The following COL22A1 variants were observed in gnomAD, a reference collection of about 807,000 sequenced individuals.
COL22A1 encodes the protein collagen alpha-1(XXII) chain.
In COL22A1, 221 loss-of-function variants were observed where a neutral mutation model predicts 248.9. The observed-to-expected ratio is 0.89, with a 90% CI of 0.80 to 0.99. The LOEUF (loss-of-function observed/expected upper bound fraction) is 0.99. Among genes scored for constraint, COL22A1 ranks in the 50% least tolerant of loss-of-function variants. COL22A1 has a pLI of 0.00. For synonymous variants in COL22A1, 891 were observed against 793.4 expected (o/e 1.12, Z -2.07); for missense variants, 2,240 against 2,179.0 (o/e 1.03, Z -0.56).
intron 24 of COL22A1, among the ~76,000 whole-genome samples, chr8:138,725,004 CTT>C (rs1830191628): frequency 6.6e-6 from 1 of 152,208 alleles, no homozygotes; most frequent in South Asian, 2.1e-4. Context: ...TTTCAGGACA[CTT>C]TTTCAGCAGC....
chr8:138,616,864 T>C (rs369782145), intron 54 of COL22A1, 50 bp downstream of exon 54: 1 of 1,605,136 alleles, frequency 6.2e-7, no homozygotes, highest in Non-Finnish European at 8.5e-7. Context: ...GTCTGGGAAG[T>C]GTAAGCTCTG....
intron 64 of COL22A1, among the ~76,000 whole-genome samples, chr8:138,590,474 CT>C (rs1244998366): frequency 6.6e-6 from 1 of 151,982 alleles, no homozygotes; most frequent in Admixed American, 6.6e-5. Flanking sequence ...TTGAAATTGC[CT>C]TCTTTTAAAA....
chr8:138,841,733 G>A (rs913823742), intron 4 of COL22A1, among the ~76,000 whole-genome samples: 8 of 152,148 alleles, frequency 5.3e-5, no homozygotes, highest in African/African-American at 1.9e-4. Context: ...GATTAGAGAT[G>A]CTACAAAACT....
chr8:138,633,104 C>T (rs1001314436), intron 49 of COL22A1, among the ~76,000 whole-genome samples: 1 of 152,190 alleles, frequency 6.6e-6, no homozygotes. Flanking sequence ...AAACAAGCAA[C>T]AACAAAGAGC....
chr8:138,865,563 G>A (rs1822804373), intron 3 of COL22A1, among the ~76,000 whole-genome samples: 1 of 151,654 alleles, frequency 6.6e-6, no homozygotes, highest in Admixed American at 6.6e-5. Context: ...GAGTGTATGT[G>A]TGTGTATGTA....
At chr8:138,598,500 T>C (rs1817728619) in intron 61 of COL22A1, among the ~76,000 whole-genome samples, 1 of 152,230 alleles carries the variant, frequency 6.6e-6, no homozygotes, top group Non-Finnish European at 1.5e-5. Flanking sequence ...AGACACGTTA[T>C]TTCACTTGAT....
intron 22 of COL22A1, among the ~76,000 whole-genome samples, chr8:138,743,808 C>T (rs116532710): frequency 0.021 from 3,121 of 152,118 alleles, 117 homozygotes; most frequent in African/African-American, 0.069. Flanking sequence ...AGATGCTGAG[C>T]GGAACTGGTA....
chr8:138,778,170 A>G, intron 15 of COL22A1, 183 bp downstream of exon 15: 1 of 704,394 alleles, frequency 1.4e-6, no homozygotes, highest in Non-Finnish European at 2.6e-6. Flanking sequence ...TCTCTGGGTG[A>G]TTCTTATGGA....
intron 22 of COL22A1, among the ~76,000 whole-genome samples, chr8:138,746,906 G>A (rs1342277907): frequency 1.3e-5 from 2 of 152,174 alleles, no homozygotes; most frequent in Non-Finnish European, 2.9e-5. Context: ...CCTGCAGTCT[G>A]TTCTCAATGC....
At chr8:138,830,805 G>A (rs1211984668) in intron 5 of COL22A1, among the ~76,000 whole-genome samples, 2 of 152,124 alleles carry the variant, frequency 1.3e-5, no homozygotes, top group Middle Eastern at 6.3e-3. Context: ...CTGCTTACAA[G>A]TGGAATAGGT....
chr8:138,626,278 C>T (rs1587705783), intron 50 of COL22A1, 35 bp from the exon 51 acceptor site: 5 of 1,553,966 alleles, frequency 3.2e-6, no homozygotes, highest in African/African-American at 1.4e-5. Flanking sequence ...ACCATGAAAC[C>T]TCTGCTGGCT....
At chr8:138,754,661 G>A (rs1412727722) in intron 21 of COL22A1, among the ~76,000 whole-genome samples, 2 of 152,148 alleles carry the variant, frequency 1.3e-5, no homozygotes, top group African/African-American at 4.8e-5. Context: ...TTGGATGGCC[G>A]CTTCCCAACT....
chr8:138,797,079 C>A (rs1026118962), intron 11 of COL22A1, among the ~76,000 whole-genome samples: 1 of 152,168 alleles, frequency 6.6e-6, no homozygotes, highest in Non-Finnish European at 1.5e-5. Context: ...AGTTACTATT[C>A]TTTGTTTCCA....
intron 55 of COL22A1, among the ~76,000 whole-genome samples, chr8:138,615,427 A>G (rs1323754297): frequency 6.6e-6 from 1 of 151,706 alleles, no homozygotes; most frequent in Non-Finnish European, 1.5e-5. Context: ...GTTACTCGGG[A>G]GGCTGAGACA....
At chr8:138,788,774 T>C (rs955237685) in intron 12 of COL22A1, among the ~76,000 whole-genome samples, 1 of 152,254 alleles carries the variant, frequency 6.6e-6, no homozygotes, top group African/African-American at 2.4e-5. Context: ...GGTGCAATGG[T>C]AATTATGTTT....
At chr8:138,677,412 C>T (rs955480201) in intron 40 of COL22A1, among the ~76,000 whole-genome samples, 1 of 143,152 alleles carries the variant, frequency 7.0e-6, no homozygotes, top group Non-Finnish European at 1.5e-5. Context: ...CGTTGTACTG[C>T]CATGCTGGAC....
chr8:138,600,621 G>C (rs562364557), intron 60 of COL22A1, among the ~76,000 whole-genome samples: 2 of 152,176 alleles, frequency 1.3e-5, no homozygotes, highest in Non-Finnish European at 2.9e-5. Context: ...GGGTGAGATG[G>C]AAGGGGCACA....
intron 3 of COL22A1, among the ~76,000 whole-genome samples, chr8:138,877,454 G>T (rs1320730655): frequency 1.6e-4 from 25 of 152,174 alleles, no homozygotes; most frequent in Non-Finnish European, 5.9e-5. Flanking sequence ...TGGCAGGGTG[G>T]TTAGAACCCA....
intron 22 of COL22A1, among the ~76,000 whole-genome samples, chr8:138,746,298 G>A (rs1832104175): frequency 6.6e-6 from 1 of 152,142 alleles, no homozygotes; most frequent in South Asian, 2.1e-4. Flanking sequence ...CTGAGCATGT[G>A]CAGTGATGTT....
Sources: allele counts gnomAD v4.1 joint callset (sites outside exome capture counted in the v4.1 genomes callset), GRCh38; gene constraint gnomAD v4.1.1; transcripts MANE v1.5; gene names NCBI Gene and HGNC (gene_info 2026-07-23, HGNC 2026-07-21).